Variants in SCG5 observed in about 807,000 individuals in gnomAD.
The protein encoded by SCG5 is neuroendocrine protein 7B2.
Under a neutral mutation model 25.7 loss-of-function variants are expected in SCG5, and 18 were observed. The ratio of observed to expected loss-of-function variants is 0.70; its 90% CI spans 0.48 to 1.04. The LOEUF (loss-of-function observed/expected upper bound fraction) is 1.04, where lower values mean the gene tolerates loss of function less well. SCG5 is among the 50% of genes least tolerant of loss of function. The probability of loss-of-function intolerance (pLI) is 0.00; values close to 1 mark genes in which losing one functional copy is unlikely to be tolerated. For synonymous variants in SCG5, 101 were observed against 91.7 expected, an observed-to-expected ratio of 1.10 and a Z score of -0.58; for missense variants, 206 against 259.8, an observed-to-expected ratio of 0.79 and a Z score of 1.42.
chr15:32,683,131 G>A (rs2054648446), intron 3 of SCG5, among the ~76,000 whole-genome samples: 1 of 152,204 alleles, frequency 6.6e-6, no homozygotes, highest in Admixed American at 6.5e-5. Context: ...AGCCGCATTA[G>A]GGATTTGTTC....
rs897418686 is a variant in SCG5 at position 32,684,794 on chromosome 15, T to A, written c.489+125T>A. The A allele has an allele frequency of 2.7e-5, 18 of 654,934 alleles. No individual in the cohort carries two copies. The African/African-American group carries it at 3.1e-4, about 11-fold the overall frequency. The allele number at this position is 654,934 out of a possible 1,614,324, so 40.6% of individuals were successfully genotyped here. On this transcript the variant is annotated intron_variant, in intron 4 of 5. Coordinates refer to ENST00000300175, the MANE Select transcript of SCG5 (RefSeq NM_001144757.3). ...TATTTAGAAGCTAATTTTTCAGAAA[T>A]CTCTGGTTGACAGAGCTTCAAGTCA...
At chr15:32,678,829 A>G (rs2054569236) in intron 2 of SCG5, among the ~76,000 whole-genome samples, 1 of 152,250 alleles carries the variant, frequency 6.6e-6, no homozygotes, top group Admixed American at 6.5e-5. Context: ...CTACATAGCC[A>G]TTTATAATTA....
chr15:32,648,197 T>C (rs930512328), intron 2 of SCG5, among the ~76,000 whole-genome samples: 4 of 152,186 alleles, frequency 2.6e-5, no homozygotes, highest in African/African-American at 9.7e-5. Context: ...ATTTTCTCCA[T>C]CACACTTCAT....
intron 5 of SCG5, among the ~76,000 whole-genome samples, chr15:32,694,702 T>C (rs978636240): frequency 6.6e-6 from 1 of 152,288 alleles, no homozygotes; most frequent in Admixed American, 6.5e-5. Context: ...TTGTGGCATG[T>C]CACTTTTCAA....
At chr15:32,660,560 G>A (rs1304980543) in intron 2 of SCG5, among the ~76,000 whole-genome samples, 1 of 152,212 alleles carries the variant, frequency 6.6e-6, no homozygotes, top group Non-Finnish European at 1.5e-5. Context: ...ATTCAGCCAA[G>A]GAAAAGGATC....
At chr15:32,696,243 A>G (rs531809338) in intron 5 of SCG5, among the ~76,000 whole-genome samples, 194 of 151,894 alleles carry the variant, frequency 1.3e-3, no homozygotes, top group African/African-American at 3.3e-3. Context: ...TCAGCCTCCC[A>G]AGTAGCTGGG....
intron 2 of SCG5, among the ~76,000 whole-genome samples, chr15:32,669,961 T>A (rs1480809913): frequency 3.9e-5 from 6 of 152,176 alleles, no homozygotes; most frequent in Middle Eastern, 3.4e-3. Flanking sequence ...TTTTCTAAAA[T>A]AAACAACTCT....
chr15:32,663,021 T>A (rs2054247189), intron 2 of SCG5, among the ~76,000 whole-genome samples: 1 of 103,492 alleles, frequency 9.7e-6, no homozygotes, highest in African/African-American at 3.7e-5. Flanking sequence ...TTAGGGCTGT[T>A]AAAAAAAAAG....
At chr15:32,657,201 A>ATGTG (rs1415876812) in intron 2 of SCG5, among the ~76,000 whole-genome samples, 2 of 53,724 alleles carry the variant, frequency 3.7e-5, no homozygotes, top group African/African-American at 1.8e-4. Context: ...ATCCTCCTGT[A>ATGTG]TATATATATA....
At chr15:32,648,298 C>G (rs778945950) in intron 2 of SCG5, among the ~76,000 whole-genome samples, 2 of 152,164 alleles carry the variant, frequency 1.3e-5, no homozygotes, top group Non-Finnish European at 2.9e-5. Flanking sequence ...TCCAAACACC[C>G]TGGTCCAAGA....
rs532967380 is a variant in SCG5 at position 32,643,680 on chromosome 15, C to T, written c.88C>T (p.Arg30Trp). ...GWTPAFAYSP[R>W]TPDRVSEADI... Reference sequence around the variant, plus strand: ...GACTCCAGCATTTGCTTACAGCCCCCGGACCCCTGACCGGGTCTCAGAAGC... The same window carrying T: ...GACTCCAGCATTTGCTTACAGCCCCTGGACCCCTGACCGGGTCTCAGAAGC... Residue 30 changes from arginine (R) to tryptophan (W), a missense_variant, in exon 2 of 6, where the codon CGG becomes TGG. Physicochemically the swap from Arg to Trp is moderately radical, Grantham distance 101. Coordinates refer to ENST00000300175, the MANE Select transcript of SCG5 (RefSeq NM_001144757.3). 19 of 1,613,874 alleles carry T rather than the reference C, an allele frequency of 1.2e-5. No individual in the cohort carries two copies. Among genetic ancestry groups the T allele is most frequent in the Admixed American group, 6.7e-5 (4 of 60,026 alleles).
At chr15:32,663,057 ATATATATATATATATATATAT>A (rs1567076392) in intron 2 of SCG5, among the ~76,000 whole-genome samples, 53 of 69,518 alleles carry the variant, frequency 7.6e-4, no homozygotes, top group South Asian at 4.8e-3. Context: ...ATATATATAT[ATATATATATATATATATATAT>A]AATATATAAT....
intron 2 of SCG5, among the ~76,000 whole-genome samples, chr15:32,660,653 T>C (rs936153299): frequency 7.2e-5 from 11 of 152,232 alleles, no homozygotes; most frequent in Non-Finnish European, 1.6e-4. Flanking sequence ...ATGATACCCC[T>C]GCTCCTGTCC....
At chr15:32,672,400 G>A (rs2054443285) in intron 2 of SCG5, among the ~76,000 whole-genome samples, 1 of 152,254 alleles carries the variant, frequency 6.6e-6, no homozygotes, top group African/African-American at 2.4e-5. Context: ...CCCAAGTTGT[G>A]TGGCAGAGTC....
intron 2 of SCG5, among the ~76,000 whole-genome samples, chr15:32,649,978 G>T (rs561512228): frequency 6.6e-6 from 1 of 152,322 alleles, no homozygotes; most frequent in South Asian, 2.1e-4. Context: ...GGGGTTTCCA[G>T]CCCACTCTTA....
rs189099236 is a variant in SCG5 at position 32,691,879 on chromosome 15, C to T, written c.543+116C>T. 4.1e-5 allele frequency: 62 copies of T among 1,518,524 alleles called. No individual in the cohort carries two copies. The East Asian group carries it at 1.4e-3, about 34-fold the overall frequency. 94.1% of individuals were successfully genotyped at this position (1,518,524 alleles called of 1,614,324 possible). Reference sequence around the variant, plus strand: ...TCACAGAATCCTCCCTTGTGTAGTCCTGAGAAACACTGGTCCATGTGACAA... The same window carrying T: ...TCACAGAATCCTCCCTTGTGTAGTCTTGAGAAACACTGGTCCATGTGACAA... On this transcript the variant is annotated intron_variant, in intron 5 of 5. Transcript: ENST00000300175.
At chr15:32,645,738 T>C (rs1322875653) in intron 2 of SCG5, among the ~76,000 whole-genome samples, 4 of 152,184 alleles carry the variant, frequency 2.6e-5, no homozygotes, top group Non-Finnish European at 4.4e-5. Context: ...CATGGAGACA[T>C]GAAAGATCAT....
intron 2 of SCG5, among the ~76,000 whole-genome samples, chr15:32,668,573 G>A (rs576894715): frequency 6.6e-6 from 1 of 152,312 alleles, no homozygotes; most frequent in South Asian, 2.1e-4. Flanking sequence ...GCACAGCGCT[G>A]CCAGGCCCTG....
chr15:32,678,316 G>A (rs1401356386), intron 2 of SCG5, among the ~76,000 whole-genome samples: 1 of 152,060 alleles, frequency 6.6e-6, no homozygotes, highest in Non-Finnish European at 1.5e-5. Flanking sequence ...ACAGCCAAAG[G>A]CCTTGCATCT....
Sources: allele counts gnomAD v4.1 joint callset (sites outside exome capture counted in the v4.1 genomes callset), GRCh38; gene constraint gnomAD v4.1.1; transcripts MANE v1.5; gene names NCBI Gene and HGNC (gene_info 2026-07-23, HGNC 2026-07-21).